The following PPP5C variants were observed in gnomAD, a reference collection of about 807,000 sequenced individuals.
PPP5C encodes protein phosphatase 5 catalytic subunit.
A neutral mutation model predicts 66.7 loss-of-function variants in PPP5C; 21 were observed. That is an observed-to-expected ratio of 0.31 (90% confidence interval 0.22 to 0.45). The LOEUF is 0.45. Ranked by LOEUF, PPP5C falls within the 20% of genes least tolerant of loss-of-function variation. The pLI is 1.00. For synonymous variants in PPP5C, 246 were observed against 257.4 expected (o/e 0.96, Z 0.43); for missense variants, 464 against 675.9 (o/e 0.69, Z 3.48).
intron 1 of PPP5C, among the ~76,000 whole-genome samples, chr19:46,347,641 G>C (rs766147845): frequency 6.6e-6 from 1 of 150,756 alleles, no homozygotes; most frequent in Non-Finnish European, 1.5e-5. Flanking sequence ...GAAGGCAATC[G>C]TGGGGGTGGG....
chr19:46,364,583 AT>A (rs972931807), intron 2 of PPP5C, among the ~76,000 whole-genome samples: 1 of 152,012 alleles, frequency 6.6e-6, no homozygotes, highest in African/African-American at 2.4e-5. Flanking sequence ...ATTTAAAGCT[AT>A]TTGTCTTTTG....
At chr19:46,356,558 CCTGAATTCAGA>C (rs897766428) in intron 2 of PPP5C, among the ~76,000 whole-genome samples, 7 of 152,196 alleles carry the variant, frequency 4.6e-5, no homozygotes, top group African/African-American at 1.7e-4. Context: ...CTGAATTCAG[CCTGAATTCAGA>C]CTGAGGCCTA....
In PPP5C at chr19:46,390,374, AG is replaced by A; in HGVS notation, c.*31del. On this transcript the variant is annotated 3_prime_UTR_variant, in exon 13 of 13. Transcript: ENST00000012443. Reference sequence around the variant, plus strand: ...TGACGGGCGGGGCGGCCTGCATCCCAGGGCCCCTCCAATCCCACCGGACCCA... The same window carrying A: ...TGACGGGCGGGGCGGCCTGCATCCCAGGCCCCTCCAATCCCACCGGACCCA... 6.4e-7 allele frequency: 1 copy of A among 1,557,470 alleles called. No individual in the cohort carries two copies. The highest frequency in any genetic ancestry group is 8.7e-7 in the Non-Finnish European group (1 of 1,150,644).
rs539681087 is a variant in PPP5C, at chr19:46,390,689, G to A, written c.*343G>A. On this transcript the variant is annotated 3_prime_UTR_variant, in exon 13 of 13. Coordinates refer to ENST00000012443, the MANE Select transcript of PPP5C (RefSeq NM_006247.4). ...GCTCCTCCCCCACTCAAGCAATAGG[G>A]CCCCGCCATAGGAAGACCCCCAGAG... 2.1e-5 allele frequency: 25 copies of A among 1,210,586 alleles called. No individual in the cohort carries two copies. The Admixed American group carries it at 2.1e-4, about 10-fold the overall frequency. The allele number at this position is 1,210,586 out of a possible 1,614,324, so 75.0% of individuals were successfully genotyped here.
chr19:46,389,455 A>T (rs1272267482), intron 11 of PPP5C, among the ~76,000 whole-genome samples: 1 of 84,432 alleles, frequency 1.2e-5, no homozygotes, highest in Non-Finnish European at 2.3e-5. Context: ...ACACACACAC[A>T]CACACAGTGT....
intron 11 of PPP5C, among the ~76,000 whole-genome samples, chr19:46,389,307 G>A (rs1568579668): frequency 6.7e-6 from 1 of 149,696 alleles, no homozygotes; most frequent in East Asian, 1.9e-4. Context: ...CTGGGGAAGA[G>A]TAAGACTCCA....
At chr19:46,382,701 G>T in intron 4 of PPP5C, 1 of 754,890 alleles carries the variant, frequency 1.3e-6, no homozygotes, top group Non-Finnish European at 1.6e-6. Flanking sequence ...TCATAACCTG[G>T]ATCTCCCAAA....
intron 1 of PPP5C, among the ~76,000 whole-genome samples, chr19:46,348,309 T>G (rs948056050): frequency 4.3e-5 from 2 of 46,234 alleles, no homozygotes; most frequent in Non-Finnish European, 3.2e-5. Context: ...AGTTTGGAAT[T>G]TTTTTTTTTT....
chr19:46,372,159 T>C (rs1017011908), intron 2 of PPP5C, among the ~76,000 whole-genome samples: 4 of 152,160 alleles, frequency 2.6e-5, no homozygotes, highest in African/African-American at 9.7e-5. Flanking sequence ...GGGTGTCCTA[T>C]GATAGAGCAT....
rs111628439 is a variant in PPP5C, at chr19:46,372,367, G to GTT, written c.364-3237_364-3236insTT. 1.3e-4 allele frequency among the ~76,000 whole-genome samples: 19 copies of GTT among 151,160 alleles called. 1 individual carries two copies. The highest frequency in any genetic ancestry group is 3.3e-4 in the Admixed American group (5 of 15,212). ...AGGCATGCACCACCATACCTGGCTA[G>GTT]CTTTTTGTTGTTGTTGTTATTTTTT... On this transcript the variant is annotated intron_variant, in intron 2 of 12. Coordinates refer to ENST00000012443, the MANE Select transcript of PPP5C (RefSeq NM_006247.4).
At chr19:46,378,035 A>G (rs1464870912) in intron 4 of PPP5C, among the ~76,000 whole-genome samples, 3 of 152,142 alleles carry the variant, frequency 2.0e-5, no homozygotes, top group African/African-American at 7.2e-5. Context: ...TTCATTCATT[A>G]TTCTCTATGC....
intron 2 of PPP5C, among the ~76,000 whole-genome samples, chr19:46,369,468 T>C (rs924845532): frequency 6.6e-6 from 1 of 151,542 alleles, no homozygotes; most frequent in Admixed American, 6.6e-5. Flanking sequence ...CCGTCTCTAC[T>C]AAATATACAA....
intron 2 of PPP5C, among the ~76,000 whole-genome samples, chr19:46,365,180 A>G (rs1402023497): frequency 6.6e-6 from 1 of 152,110 alleles, no homozygotes; most frequent in Non-Finnish European, 1.5e-5. Context: ...ACGGGGTTTC[A>G]TGATGTTGGC....
chr19:46,372,830 C>A (rs755164067), intron 2 of PPP5C, among the ~76,000 whole-genome samples: 2 of 152,214 alleles, frequency 1.3e-5, no homozygotes, highest in Non-Finnish European at 2.9e-5. Context: ...AAAAAAAGTT[C>A]AGTGTGAAGT....
At chr19:46,387,290 G>T (rs926712610) in intron 8 of PPP5C, 55 bp downstream of exon 8, 2 of 1,612,920 alleles carry the variant, frequency 1.2e-6, no homozygotes, top group African/African-American at 2.7e-5. Context: ...CACCTGGGCA[G>T]ATGTGCTGGT....
At chr19:46,352,713 G>A (rs949360344) in intron 1 of PPP5C, among the ~76,000 whole-genome samples, 6 of 151,956 alleles carry the variant, frequency 3.9e-5, no homozygotes, top group African/African-American at 7.2e-5. Context: ...CCAGCTGCTC[G>A]GGGGGCTAAG....
In PPP5C at chr19:46,390,638, G is replaced by GCTGCC. The variant is rs936499723; in HGVS notation, c.*299_*303dup. The GCTGCC allele has an allele frequency of 1.5e-6, 2 of 1,293,250 alleles. No homozygotes were observed. The highest frequency in any genetic ancestry group is 3.0e-5 in the African/African-American group (2 of 66,016). The allele number at this position is 1,293,250 out of a possible 1,614,324, so 80.1% of individuals were successfully genotyped here. ...CCTCGGGGTGGGGTGGGGCCGAGTGGCTGCCCTGCCCCCCTCATTTGCATG... is the reference window on the plus strand; with the variant it reads ...CCTCGGGGTGGGGTGGGGCCGAGTGGCTGCCCTGCCCTGCCCCCCTCATTTGCATG... On this transcript the variant is annotated 3_prime_UTR_variant, in exon 13 of 13. Coordinates refer to ENST00000012443, the MANE Select transcript of PPP5C (RefSeq NM_006247.4).
At chr19:46,373,267 C>T (rs1299848950) in intron 2 of PPP5C, among the ~76,000 whole-genome samples, 2 of 152,204 alleles carry the variant, frequency 1.3e-5, no homozygotes, top group East Asian at 3.9e-4. Flanking sequence ...GCGTGCATAG[C>T]GGAAATCAGG....
chr19:46,364,098 C>T (rs1972451102), intron 2 of PPP5C, among the ~76,000 whole-genome samples: 1 of 152,082 alleles, frequency 6.6e-6, no homozygotes, highest in African/African-American at 2.4e-5. Context: ...TTACATTATC[C>T]TTGGCAAAAA....
Sources: allele counts gnomAD v4.1 joint callset (sites outside exome capture counted in the v4.1 genomes callset), GRCh38; gene constraint gnomAD v4.1.1; transcripts MANE v1.5; gene names NCBI Gene and HGNC (gene_info 2026-07-23, HGNC 2026-07-21).